Variants in PCDH1 observed in about 807,000 individuals in gnomAD.
The protein encoded by PCDH1 is protocadherin 1.
Under a neutral mutation model 74.6 loss-of-function variants are expected in PCDH1, and 23 were observed. That is an observed-to-expected ratio of 0.31 (90% confidence interval 0.22 to 0.44). The LOEUF (loss-of-function observed/expected upper bound fraction) is 0.44. Among genes scored for constraint, PCDH1 ranks in the 20% least tolerant of loss-of-function variants. The pLI, the probability that PCDH1 is intolerant of heterozygous loss-of-function variation, is 1.00. For synonymous variants in PCDH1, 647 were observed against 686.1 expected (o/e 0.94, Z 0.89); for missense variants, 1,214 against 1,641.4 (o/e 0.74, Z 4.50).
chr5:141,866,277 G>C, intron 2 of PCDH1: 2 of 976,624 alleles, frequency 2.0e-6, no homozygotes, highest in Non-Finnish European at 2.4e-6. Context: ...CAGCCAGGAG[G>C]GAGGGGTTGA....
intron 1 of PCDH1, among the ~76,000 whole-genome samples, chr5:141,877,473 G>C (rs1753269740): frequency 6.6e-6 from 1 of 152,180 alleles, no homozygotes; most frequent in Non-Finnish European, 1.5e-5. Flanking sequence ...GTGGGGGGTG[G>C]CTAGGTTTTG....
intron 1 of PCDH1, among the ~76,000 whole-genome samples, chr5:141,872,323 G>A (rs1004242296): frequency 2.0e-5 from 3 of 152,364 alleles, no homozygotes; most frequent in African/African-American, 7.2e-5. Flanking sequence ...CTTGGCAGGT[G>A]AGGCGTTATG....
chr5:141,877,128 C>T (rs375403970), intron 1 of PCDH1, among the ~76,000 whole-genome samples: 3 of 152,340 alleles, frequency 2.0e-5, no homozygotes, highest in African/African-American at 7.2e-5. Flanking sequence ...CTTCTCCTGC[C>T]TGAATCTGGA....
At chr5:141,872,736 C>CCAA (rs1364570520) in intron 1 of PCDH1, among the ~76,000 whole-genome samples, 6 of 152,226 alleles carry the variant, frequency 3.9e-5, no homozygotes, top group African/African-American at 1.4e-4. Context: ...GAGGAGTTGT[C>CCAA]TTACCTTCAA....
chr5:141,853,933 C>T lies in PCDH1; in HGVS notation c.*109G>A. The T allele has an allele frequency of 2.0e-6, 2 of 1,020,416 alleles. No individual in the cohort carries two copies. The highest frequency in any genetic ancestry group is 2.7e-6 in the Non-Finnish European group (2 of 729,674). The allele number at this position is 1,020,416 out of a possible 1,614,324, so 63.2% of individuals were successfully genotyped here. A position where few individuals can be genotyped will look rare whatever the true frequency, so the allele number is the denominator to read the frequency against. On this transcript the variant is annotated 3_prime_UTR_variant, in exon 5 of 5. Transcript: ENST00000287008. ...AGGTCAGTGATACCCCCACTTGGGG[C>T]CCTGGCCAGGAAGTCCACGCTGAAG...
In PCDH1 at chr5:141,854,021, G is replaced by T; in HGVS notation, c.*21C>A. 6.8e-7 allele frequency: 1 copy of T among 1,480,016 alleles called. No homozygotes were observed. The highest frequency in any genetic ancestry group is 1.4e-5 in the African/African-American group (1 of 71,262). 91.7% of individuals were successfully genotyped at this position (1,480,016 alleles called of 1,614,324 possible). On this transcript the variant is annotated 3_prime_UTR_variant, in exon 5 of 5. Transcript: ENST00000287008. ...GCTGGCCGGCGGCTGGGGGAGGGGGGCCGGCCGGCCAGTAGGGGGCTCACA... is the reference window on the plus strand; with the variant it reads ...GCTGGCCGGCGGCTGGGGGAGGGGGTCCGGCCGGCCAGTAGGGGGCTCACA...
intron 2 of PCDH1, among the ~76,000 whole-genome samples, chr5:141,867,270 ACCT>A (rs1752886000): frequency 6.6e-6 from 1 of 150,486 alleles, no homozygotes; most frequent in East Asian, 2.0e-4. Context: ...AGCCCTGCTG[ACCT>A]CTCTGCTTAC....
chr5:141,863,263 C>T lies in PCDH1; in HGVS notation c.3068G>A (p.Arg1023His), dbSNP rs767284701. 6 of 1,592,466 alleles carry T rather than the reference C, an allele frequency of 3.8e-6. No individual in the cohort carries two copies. The highest frequency in any genetic ancestry group is 4.3e-6 in the Non-Finnish European group (5 of 1,169,368). Reference protein sequence around the residue: ...GSEQYSDYSYRTNPPKYPSKQ... With the variant: ...GSEQYSDYSYHTNPPKYPSKQ... Reference sequence around the variant, plus strand: ...GCTGGGGTATTTGGGGGGGTTGGTGCGGTAGCTGTAGTCGGAGTACTGCTC... The same window carrying T: ...GCTGGGGTATTTGGGGGGGTTGGTGTGGTAGCTGTAGTCGGAGTACTGCTC... The change falls in exon 3 of 5, where the codon CGC becomes CAC. Residue 1023 changes from arginine to histidine, a missense_variant. Physicochemically the swap from Arg to His is conservative, Grantham distance 29. This residue lies in a region of PCDH1 where 836 missense variants were observed against 1,182.2 expected (regional missense o/e 0.71). Coordinates refer to ENST00000287008, the MANE Select transcript of PCDH1 (RefSeq NM_032420.5). This position sits in a 1 kb window ranked among gnomAD's most constrained non-coding sequence, Gnocchi z 7.5.
chr5:141,853,820 A>C lies in PCDH1; in HGVS notation c.*222T>G. ...GGGCATCAGATGGGGGAAGCCCCAT[A>C]AAGGGGAAGGGGCCCCTGGGGGCTG... On this transcript the variant is annotated 3_prime_UTR_variant, in exon 5 of 5. Coordinates refer to ENST00000287008, the MANE Select transcript of PCDH1 (RefSeq NM_032420.5). 1 of 411,208 alleles carries C rather than the reference A, an allele frequency of 2.4e-6. No homozygotes were observed. The highest frequency in any genetic ancestry group is 4.3e-6 in the Non-Finnish European group (1 of 232,688). The allele number at this position is 411,208 out of a possible 1,614,324, so 25.5% of individuals were successfully genotyped here.
At chr5:141,873,328 C>T (rs1396456114) in intron 1 of PCDH1, among the ~76,000 whole-genome samples, 9 of 140,098 alleles carry the variant, frequency 6.4e-5, no homozygotes, top group Non-Finnish European at 1.1e-4. Flanking sequence ...TTAGTAGAGA[C>T]GGGGTTTCAC....
chr5:141,869,510 T>A lies in PCDH1; in HGVS notation c.41-79A>T. 1.9e-6 allele frequency: 3 copies of A among 1,558,242 alleles called. No homozygotes were observed. The highest frequency in any genetic ancestry group is 2.6e-6 in the Non-Finnish European group (3 of 1,159,514). On this transcript the variant is annotated intron_variant, in intron 1 of 4. Transcript: ENST00000287008. The surrounding 1 kb of genome is among the most constrained non-coding windows in gnomAD (Gnocchi z 4.9). ...CCTGAGCTGCCCAGAGCTGGCCCCA[T>A]ACTCACCCTCTCCCACTGACACACG...
intron 2 of PCDH1, chr5:141,867,747 G>C (rs1752911787): frequency 5.4e-6 from 2 of 370,932 alleles, no homozygotes; most frequent in South Asian, 4.1e-5. Context: ...TCACATCAAA[G>C]AGAGAGGCAT....
In PCDH1 at chr5:141,854,310, G is replaced by C; in HGVS notation, c.3446C>G (p.Ala1149Gly). The C allele has an allele frequency of 6.2e-7, 1 of 1,613,774 alleles. No individual in the cohort carries two copies. Among genetic ancestry groups the C allele is most frequent in the South Asian group, 1.1e-5 (1 of 91,056 alleles). Reference protein sequence around the residue: ...SSPSRRTKSSALKLSTFVPYQ... With the variant: ...SSPSRRTKSSGLKLSTFVPYQ... ...AGGCACGAAGGTGGAGAGTTTGAGG[G>C]CGCTGCTCTTGGTCCGGCGGCTGGG... Residue 1149 changes from alanine to glycine, a missense_variant, in exon 5 of 5, where the codon GCC (alanine) becomes GGC (glycine). Coordinates refer to ENST00000287008, the MANE Select transcript of PCDH1 (RefSeq NM_032420.5).
At chr5:141,857,623 G>C in intron 3 of PCDH1, 152 bp from the exon 4 acceptor site, 1 of 619,200 alleles carries the variant, frequency 1.6e-6, no homozygotes, top group Non-Finnish European at 2.8e-6. Context: ...CATTCCTCCC[G>C]AAAGCACAGG....
chr5:141,866,586 A>G (rs1752848968), intron 2 of PCDH1, among the ~76,000 whole-genome samples: 1 of 152,116 alleles, frequency 6.6e-6, no homozygotes, highest in African/African-American at 2.4e-5. Flanking sequence ...GGGTAACAAA[A>G]CAGAAGAGTC....
chr5:141,855,956 C>CG (rs1030370857), intron 4 of PCDH1, among the ~76,000 whole-genome samples: 4 of 148,186 alleles, frequency 2.7e-5, no homozygotes, highest in Non-Finnish European at 3.0e-5. Context: ...AGGCAGTGAC[C>CG]CCCCCCCACC....
At chr5:141,861,777 C>T (rs982827045) in intron 3 of PCDH1, among the ~76,000 whole-genome samples, 5 of 152,034 alleles carry the variant, frequency 3.3e-5, no homozygotes, top group African/African-American at 1.2e-4. Context: ...GGGCCTGAGG[C>T]CCCTCAGCCA....
At chr5:141,877,957 G>T (rs1753282283) in intron 1 of PCDH1, among the ~76,000 whole-genome samples, 2 of 152,130 alleles carry the variant, frequency 1.3e-5, no homozygotes, top group Admixed American at 1.3e-4. Context: ...CTCCGAGCGC[G>T]CCCAGGTTTG....
chr5:141,869,400 C>T lies in PCDH1; in HGVS notation c.72G>A (p.Glu24=). Residue 24 remains glutamate (E), a synonymous_variant, in exon 2 of 5, where the codon GAG becomes GAA. Transcript: ENST00000287008. This position sits in a 1 kb window ranked among gnomAD's most constrained non-coding sequence, Gnocchi z 4.9. The part of the protein sequence containing the change: ...ALLILGPPRM[E]HLRHSPGPGG... ...CAGGGCCTGGGCTGTGCCTCAGGTGCTCCATCCTGGGAGGCCCCAGAATCA... is the reference window on the plus strand; with the variant it reads ...CAGGGCCTGGGCTGTGCCTCAGGTGTTCCATCCTGGGAGGCCCCAGAATCA... 6.3e-7 allele frequency: 1 copy of T among 1,597,832 alleles called. No homozygotes were observed. The highest frequency in any genetic ancestry group is 1.1e-5 in the South Asian group (1 of 89,428).
Sources: allele counts gnomAD v4.1 joint callset (sites outside exome capture counted in the v4.1 genomes callset), GRCh38; gene constraint gnomAD v4.1.1; regional missense constraint gnomAD v4.1.1; non-coding constraint Gnocchi (gnomAD v3.1); transcripts MANE v1.5; gene names NCBI Gene and HGNC (gene_info 2026-07-23, HGNC 2026-07-21).